The following NUP210L variants were observed in gnomAD, a reference collection of about 807,000 sequenced individuals.
The protein encoded by NUP210L is nuclear pore membrane glycoprotein 210-like.
In NUP210L, 74 loss-of-function variants were observed where a neutral mutation model predicts 208.5. The ratio of observed to expected loss-of-function variants is 0.35; its 90% CI spans 0.29 to 0.43. The LOEUF is 0.43. Ranked by LOEUF, NUP210L falls within the 20% of genes least tolerant of loss-of-function variation. The pLI, the probability that NUP210L is intolerant of heterozygous loss-of-function variation, is 1.00. For missense variants in NUP210L, 1,843 were observed against 2,289.4 expected, an observed-to-expected ratio of 0.81 and a Z score of 3.98; for synonymous variants, 780 against 816.9, an observed-to-expected ratio of 0.95 and a Z score of 0.77.
At chr1:154,054,126 C>T in intron 25 of NUP210L, 102 bp downstream of exon 25, 3 of 1,225,600 alleles carry the variant, frequency 2.4e-6, no homozygotes, top group South Asian at 1.4e-5. Context: ...TAAGGCTTTT[C>T]CTGGGCTGCT....
At chr1:154,015,944 AT>A (rs1651218625) in intron 33 of NUP210L, among the ~76,000 whole-genome samples, 1 of 149,402 alleles carries the variant, frequency 6.7e-6, no homozygotes, top group Non-Finnish European at 1.5e-5. Context: ...AAATAAATAA[AT>A]AAATAAATAA....
At chr1:154,123,360 G>A (rs1657713252) in intron 10 of NUP210L, among the ~76,000 whole-genome samples, 1 of 151,998 alleles carries the variant, frequency 6.6e-6, no homozygotes, top group African/African-American at 2.4e-5. Context: ...TGGCCAGGCT[G>A]GTCTCAAGCT....
chr1:154,042,830 G>A (rs529019527), intron 27 of NUP210L, among the ~76,000 whole-genome samples: 13 of 151,860 alleles, frequency 8.6e-5, no homozygotes, highest in Admixed American at 7.9e-4. Context: ...TCTTGCCTCA[G>A]CCTCCTGAGT....
At chr1:154,022,096 G>A in intron 32 of NUP210L, 30 bp downstream of exon 32, 1 of 1,528,412 alleles carries the variant, frequency 6.5e-7, no homozygotes, top group South Asian at 1.1e-5. Context: ...ACTATCAATT[G>A]TAAGTTTGAG....
intron 20 of NUP210L, among the ~76,000 whole-genome samples, chr1:154,058,957 G>C (rs920098830): frequency 1.3e-5 from 2 of 152,222 alleles, no homozygotes; most frequent in African/African-American, 4.8e-5. Context: ...GGGAGGCTGA[G>C]GCAGGAGGAT....
chr1:154,153,335 C>T (rs768486925), intron 1 of NUP210L, among the ~76,000 whole-genome samples: 1 of 151,904 alleles, frequency 6.6e-6, no homozygotes, highest in South Asian at 2.1e-4. Flanking sequence ...TTTTTGAGAC[C>T]GAGTCACTTT....
exon 23 of NUP210L, chr1:154,056,867 A>G (rs79839642): frequency 1.4e-5 from 23 of 1,604,998 alleles, no homozygotes; most frequent in Non-Finnish European, 1.9e-5. Flanking sequence ...GTCCTTGGCA[A>G]TAGCCACAAG....
At chr1:154,081,487 T>C (rs963388177) in intron 16 of NUP210L, among the ~76,000 whole-genome samples, 3 of 152,166 alleles carry the variant, frequency 2.0e-5, no homozygotes, top group African/African-American at 4.8e-5. Context: ...TTTGAGTTTA[T>C]GCTAATGAGA....
At chr1:154,099,195 T>C (rs1656330320) in intron 14 of NUP210L, among the ~76,000 whole-genome samples, 1 of 151,932 alleles carries the variant, frequency 6.6e-6, no homozygotes, top group Non-Finnish European at 1.5e-5. Context: ...GTAGCTGCAG[T>C]TGCATGGCAA....
In NUP210L at chr1:153,992,769, G is replaced by A. The variant is rs1481501732; in HGVS notation, c.*66C>T. On this transcript the variant is annotated 3_prime_UTR_variant, in exon 40 of 40. Coordinates refer to ENST00000368559, the Ensembl canonical transcript of NUP210L. ...AAACTTAATGTAGAAGTTGCTGTTA[G>A]GCTTCTTGTCGAGGACTAGAAATCT... 2.9e-6 allele frequency: 3 copies of A among 1,045,274 alleles called. No individual in the cohort carries two copies. The East Asian group carries it at 7.3e-5, about 25-fold the overall frequency. The allele number at this position is 1,045,274 out of a possible 1,614,324, so 64.7% of individuals were successfully genotyped here. A position where few individuals can be genotyped will look rare whatever the true frequency, so the allele number is the denominator to read the frequency against.
At chr1:154,134,770 T>C (rs1470021412) in intron 7 of NUP210L, among the ~76,000 whole-genome samples, 1 of 143,026 alleles carries the variant, frequency 7.0e-6, no homozygotes, top group Non-Finnish European at 1.5e-5. Context: ...AGTTTTGCTC[T>C]TGTTGCCCAG....
chr1:154,024,403 G>A (rs1651735484), intron 30 of NUP210L, among the ~76,000 whole-genome samples: 1 of 152,078 alleles, frequency 6.6e-6, no homozygotes, highest in Non-Finnish European at 1.5e-5. Context: ...AGTTAAAAGA[G>A]ATAATATACA....
chr1:154,131,592 T>C (rs1658256822), intron 7 of NUP210L, among the ~76,000 whole-genome samples: 1 of 152,096 alleles, frequency 6.6e-6, no homozygotes, highest in South Asian at 2.1e-4. Flanking sequence ...ATTCGTTGTG[T>C]CTTTTTCAAA....
chr1:154,051,624 G>C (rs577770259), intron 25 of NUP210L, among the ~76,000 whole-genome samples: 1 of 152,146 alleles, frequency 6.6e-6, no homozygotes, highest in South Asian at 2.1e-4. Context: ...CTTGCCAGAT[G>C]GTACATTTCT....
intron 2 of NUP210L, among the ~76,000 whole-genome samples, chr1:154,149,948 C>T (rs775522950): frequency 3.9e-5 from 6 of 152,156 alleles, no homozygotes; most frequent in African/African-American, 4.8e-5. Context: ...TGCTCTCAGC[C>T]GGGTGTGGTT....
intron 27 of NUP210L, among the ~76,000 whole-genome samples, chr1:154,043,359 G>A (rs2147966459): frequency 6.6e-6 from 1 of 151,020 alleles, no homozygotes; most frequent in African/African-American, 2.4e-5. Context: ...TTGTTGCCCA[G>A]GCTGGAGTGC....
At chr1:154,148,472 G>A (rs114774968) in intron 2 of NUP210L, among the ~76,000 whole-genome samples, 1,987 of 152,218 alleles carry the variant, frequency 0.013, 23 homozygotes, top group Non-Finnish European at 0.017. Context: ...GACAGAGACA[G>A]ACTTTGTCTC....
At position 154,099,989 on chromosome 1, in the gene NUP210L, A is replaced by G. The variant is rs201677658; in HGVS notation, c.1965+9T>C. 240 of 1,613,762 alleles carry G rather than the reference A, an allele frequency of 1.5e-4. 2 individuals carry two copies. The Middle Eastern group carries it at 2.3e-3, about 15-fold the overall frequency. On this transcript the variant is annotated intron_variant, in intron 14 of 39. Coordinates refer to ENST00000368559, the Ensembl canonical transcript of NUP210L. ...AGAAATGCCAGTTCCTTACCATGAA[A>G]TATCTTACCTTTAGGGGTTCATAAG... is the stretch of plus-strand genomic sequence containing the variant.
At chr1:154,028,669 C>T (rs1652041118) in intron 28 of NUP210L, among the ~76,000 whole-genome samples, 1 of 152,062 alleles carries the variant, frequency 6.6e-6, no homozygotes, top group Non-Finnish European at 1.5e-5. Context: ...ATGAATCCCT[C>T]TCTAGTTACT....
Sources: allele counts gnomAD v4.1 joint callset (sites outside exome capture counted in the v4.1 genomes callset), GRCh38; gene constraint gnomAD v4.1.1; transcripts MANE v1.5; gene names NCBI Gene and HGNC (gene_info 2026-07-23, HGNC 2026-07-21).